The following DONSON variants were observed in gnomAD, a reference collection of about 807,000 sequenced individuals.
The protein encoded by DONSON is protein downstream neighbor of Son.
Under a neutral mutation model 62.1 loss-of-function variants are expected in DONSON, and 43 were observed. That is an observed-to-expected ratio of 0.69 (90% CI 0.54 to 0.89). The LOEUF is 0.89. Ranked by LOEUF, DONSON falls within the 40% of genes least tolerant of loss-of-function variation. DONSON has a pLI of 0.00. For synonymous variants in DONSON, 266 were observed against 264.6 expected, an observed-to-expected ratio of 1.01 and a Z score of -0.05; for missense variants, 696 against 697.5, an observed-to-expected ratio of 1.00 and a Z score of 0.03.
Position 33,577,682 on chromosome 21 carries a change from CA to C in DONSON, c.*624del, listed in dbSNP as rs1569073206. On this transcript the variant is annotated 3_prime_UTR_variant, in exon 10 of 10. Coordinates refer to ENST00000303071, the MANE Select transcript of DONSON (RefSeq NM_017613.4). Reference sequence around the variant, plus strand: ...ACACACACACACACACACACACACACACACACACACACACACACACCCCTAT... The same window carrying C: ...ACACACACACACACACACACACACACCACACACACACACACACACCCCTAT... 8.2e-4 allele frequency: 90 copies of C among 109,514 alleles called. 1 individual carries two copies. Among genetic ancestry groups the C allele is most frequent in the African/African-American group, 1.1e-3 (26 of 22,940 alleles). The allele number at this position is 109,514 out of a possible 1,614,324, so 6.8% of individuals were successfully genotyped here. A position where few individuals can be genotyped will look rare whatever the true frequency, so the allele number is the denominator to read the frequency against.
rs2086433524 is a variant in DONSON at position 33,577,603 on chromosome 21, CTACACACACACACACACACACA to C, written c.*682_*703del. The C allele has an allele frequency of 5.8e-5, 3 of 51,694 alleles. No individual in the cohort carries two copies. Among genetic ancestry groups the C allele is most frequent in the African/African-American group, 2.3e-4 (3 of 13,304 alleles). The allele number at this position is 51,694 out of a possible 1,614,324, so 3.2% of individuals were successfully genotyped here. The stretch of plus-strand genomic sequence containing the variant: ...AAAATGTGAATTATACAGTCCCCCC[CTACACACACACACACACACACA>C]CACACACACACACACACACACACAC... On this transcript the variant is annotated 3_prime_UTR_variant, in exon 10 of 10. Transcript: ENST00000303071.
chr21:33,581,297 AT>A lies in DONSON; in HGVS notation c.1350+4del. 1 of 1,613,542 alleles carries A rather than the reference AT, an allele frequency of 6.2e-7. No homozygotes were observed. Among genetic ancestry groups the A allele is most frequent in the South Asian group, 1.1e-5 (1 of 91,014 alleles). On this transcript the variant is annotated splice_donor_region_variant and intron_variant, in intron 8 of 9. Coordinates refer to ENST00000303071, the MANE Select transcript of DONSON (RefSeq NM_017613.4). ...TAAAAGCTAGGTTATGCAGACTTTT[AT>A]TACCTTAAGCATTTGCATTGTGGCA...
chr21:33,579,599 A>G (rs1274156226), intron 8 of DONSON, 37 bp from the exon 9 acceptor site: 2 of 1,583,244 alleles, frequency 1.3e-6, no homozygotes, highest in African/African-American at 1.4e-5. Flanking sequence ...AATTAAGATC[A>G]TCTCTCAACC....
intron 1 of DONSON, 32 bp from the exon 2 acceptor site, chr21:33,587,634 A>C (rs1375097022): frequency 2.0e-6 from 3 of 1,486,682 alleles, no homozygotes. Context: ...TTTAAAATTT[A>C]AAGGATGCTG....
chr21:33,581,569 C>T, intron 7 of DONSON, 69 bp from the exon 8 acceptor site: 1 of 1,298,584 alleles, frequency 7.7e-7, no homozygotes, highest in Non-Finnish European at 1.1e-6. Flanking sequence ...TATCTTGATT[C>T]TGAATCACCT....
chr21:33,584,203 C>G (rs566693935), intron 4 of DONSON, among the ~76,000 whole-genome samples: 1 of 151,358 alleles, frequency 6.6e-6, no homozygotes, highest in Non-Finnish European at 1.5e-5. Context: ...CGCCACCACA[C>G]CAGGCTAATT....
chr21:33,588,547 G>C lies in DONSON; in HGVS notation c.95C>G (p.Ala32Gly), dbSNP rs1031175520. The change falls in exon 1 of 10, where the codon GCC (alanine) becomes GGC (glycine). Residue 32 changes from alanine to glycine, a missense_variant. Transcript: ENST00000303071. The part of the protein sequence containing the change: ...RRKRARSRGA[A>G]ASPPRELTEP... ...CGTCAGCTCACGGGGCGGGGAGGCG[G>C]CAGCTCCACGGCTCCGGGCCCTTTT... is the stretch of plus-strand genomic sequence containing the variant. The C allele has an allele frequency of 3.6e-5, 45 of 1,249,558 alleles. No individual in the cohort carries two copies. In the African/African-American group the frequency reaches 6.8e-4, roughly 19 times the overall value. 77.4% of individuals were successfully genotyped at this position (1,249,558 alleles called of 1,614,324 possible).
In DONSON at chr21:33,584,586, T is replaced by G; in HGVS notation, c.785+4A>C. ...ATTATACAAGTTTCTCTTACTAATCTTACCAGTCACTCATTAAAACATGCT... is the reference window on the plus strand; with the variant it reads ...ATTATACAAGTTTCTCTTACTAATCGTACCAGTCACTCATTAAAACATGCT... On this transcript the variant is annotated splice_donor_region_variant and intron_variant, in intron 4 of 9. Coordinates refer to ENST00000303071, the MANE Select transcript of DONSON (RefSeq NM_017613.4). 1 of 1,588,528 alleles carries G rather than the reference T, an allele frequency of 6.3e-7. No homozygotes were observed. Among genetic ancestry groups the G allele is most frequent in the Non-Finnish European group, 8.6e-7 (1 of 1,165,646 alleles).
intron 3 of DONSON, among the ~76,000 whole-genome samples, chr21:33,585,273 T>C (rs1049413582): frequency 2.0e-5 from 3 of 152,016 alleles, no homozygotes; most frequent in African/African-American, 7.3e-5. Context: ...GAGGCTAGAG[T>C]ACAGTGGCAC....
chr21:33,581,608 A>C, intron 7 of DONSON, 108 bp from the exon 8 acceptor site: 2 of 904,744 alleles, frequency 2.2e-6, no homozygotes, highest in Non-Finnish European at 3.3e-6. Context: ...AATGAAATGG[A>C]AATCCTCTTG....
chr21:33,582,752 C>T (rs868464415), intron 5 of DONSON, among the ~76,000 whole-genome samples: 1 of 152,140 alleles, frequency 6.6e-6, no homozygotes, highest in South Asian at 2.1e-4. Flanking sequence ...TGTTAGAAAC[C>T]GGGCTGCACA....
intron 4 of DONSON, 152 bp downstream of exon 4, chr21:33,584,438 G>T: frequency 1.5e-6 from 1 of 678,044 alleles, no homozygotes; most frequent in Non-Finnish European, 2.2e-6. Context: ...AAAGTAAACA[G>T]TTTATATGTT....
rs2086451157 is a variant in DONSON at position 33,577,773 on chromosome 21, A to G, written c.*534T>C. 1 of 152,896 alleles carries G rather than the reference A, an allele frequency of 6.5e-6. No homozygotes were observed. The highest frequency in any genetic ancestry group is 6.5e-5 in the Admixed American group (1 of 15,324). The allele number at this position is 152,896 out of a possible 1,614,324, so 9.5% of individuals were successfully genotyped here. The stretch of plus-strand genomic sequence containing the variant: ...ACTTCACAATTCTTAACACTATTCT[A>G]TGTGGAATACAAAATGCCTTTTTAT... On this transcript the variant is annotated 3_prime_UTR_variant, in exon 10 of 10. Transcript: ENST00000303071.
chr21:33,578,346 A>G lies in DONSON; in HGVS notation c.1662T>C (p.Asn554=). 6.2e-7 allele frequency: 1 copy of G among 1,614,068 alleles called. No homozygotes were observed. The highest frequency in any genetic ancestry group is 1.7e-4 in the Middle Eastern group (1 of 6,058). Residue 554 remains asparagine (N), a synonymous_variant, in exon 10 of 10, where the codon AAT becomes AAC. Coordinates refer to ENST00000303071, the MANE Select transcript of DONSON (RefSeq NM_017613.4). ...TATAAATGTAGTCTCTCAGCACCAC[A>G]TTCCGTAAAGATGATTTCCCAAGTA... is the stretch of plus-strand genomic sequence containing the variant. ...IPLLGKSSLR[N]VVLRDYIYNW...
intron 9 of DONSON, 25 bp from the exon 10 acceptor site, chr21:33,578,469 G>T: frequency 6.3e-7 from 1 of 1,594,552 alleles, no homozygotes; most frequent in Non-Finnish European, 8.6e-7. Flanking sequence ...GTACAAGTCA[G>T]TAAAAAGCAC....
rs141624501 is a variant in DONSON, at chr21:33,585,129, C to T, written c.607-361G>A. On this transcript the variant is annotated intron_variant, in intron 3 of 9. Coordinates refer to ENST00000303071, the MANE Select transcript of DONSON (RefSeq NM_017613.4). ...TAAAAGTAGCCAGTAAACACTGATA[C>T]GGCAAATCACAAATCATCCTAATCT... Among the ~76,000 whole-genome samples the T allele has an allele frequency of 2.5e-4, 38 of 152,248 alleles. No homozygotes were observed. In the Middle Eastern group the frequency reaches 0.01, roughly 41 times the overall value.
Position 33,583,154 on chromosome 21 carries a change from T to G in DONSON, c.964+334A>C, listed in dbSNP as rs1366119710. 2.1e-5 allele frequency among the ~76,000 whole-genome samples: 3 copies of G among 139,744 alleles called. No individual in the cohort carries two copies. In the Admixed American group the frequency reaches 2.3e-4, roughly 11 times the overall value. The allele number at this position is 139,744 out of a possible 152,430, so 91.7% of individuals were successfully genotyped here. On this transcript the variant is annotated intron_variant, in intron 5 of 9. Coordinates refer to ENST00000303071, the MANE Select transcript of DONSON (RefSeq NM_017613.4). ...AGGCGGAGCTTGCAGTGAGCCGAGATTGCACCACTGCATTCTAGCCTGGGT... is the reference window on the plus strand; with the variant it reads ...AGGCGGAGCTTGCAGTGAGCCGAGAGTGCACCACTGCATTCTAGCCTGGGT...
Position 33,577,647 on chromosome 21 carries a change from A to ACCCCTATAAG in DONSON, c.*659_*660insCTTATAGGGG, listed in dbSNP as rs1569072887. ...CACACACACACACACACACACACAC[A>ACCCCTATAAG]CACACACACACACACACACACACAC... On this transcript the variant is annotated 3_prime_UTR_variant, in exon 10 of 10. Transcript: ENST00000303071. 3.9e-5 allele frequency: 3 copies of ACCCCTATAAG among 77,836 alleles called. No individual in the cohort carries two copies. Among genetic ancestry groups the ACCCCTATAAG allele is most frequent in the Non-Finnish European group, 8.6e-5 (3 of 34,756 alleles). The allele number at this position is 77,836 out of a possible 1,614,324, so 4.8% of individuals were successfully genotyped here.
chr21:33,583,215 A>AAAAAAAAAAAAAAAAAAAAAAAAAAAAC (rs1287548103), intron 5 of DONSON, among the ~76,000 whole-genome samples: 1 of 145,456 alleles, frequency 6.9e-6, no homozygotes, highest in African/African-American at 2.6e-5. Flanking sequence ...AAAAAAAAAA[A>AAAAAAAAAAAAAAAAAAAAAAAAAAAAC]AAAAAAAAAA....
Sources: allele counts gnomAD v4.1 joint callset (sites outside exome capture counted in the v4.1 genomes callset), GRCh38; gene constraint gnomAD v4.1.1; transcripts MANE v1.5; gene names NCBI Gene and HGNC (gene_info 2026-07-23, HGNC 2026-07-21).